The following AK7 variants were observed in gnomAD, a reference collection of about 807,000 sequenced individuals.
AK7 encodes ATP-AMP transphosphorylase 7.
AK7 carries 78 observed loss-of-function variants against 96.6 expected under a neutral mutation model. That is an observed-to-expected ratio of 0.81 (90% CI 0.67 to 0.97). The LOEUF (loss-of-function observed/expected upper bound fraction) is 0.97, where lower values mean the gene tolerates loss of function less well. Ranked by LOEUF, AK7 falls within the 50% of genes least tolerant of loss-of-function variation. The pLI is 0.00. For synonymous variants in AK7, 302 were observed against 317.2 expected (o/e 0.95, Z 0.51); for missense variants, 855 against 887.9 (o/e 0.96, Z 0.47).
At chr14:96,430,049 A>C (rs1892258890) in intron 5 of AK7, among the ~76,000 whole-genome samples, 1 of 152,212 alleles carries the variant, frequency 6.6e-6, no homozygotes. Context: ...CCAGTTTTCA[A>C]AGGGAATGCT....
chr14:96,424,392 CTCAGTGTTTTACTCA>C (rs1891902953), intron 5 of AK7, among the ~76,000 whole-genome samples: 2 of 152,228 alleles, frequency 1.3e-5, no homozygotes, highest in Non-Finnish European at 2.9e-5. Flanking sequence ...CTCATGAGTT[CTCAGTGTTTTACTCA>C]TGGTATCTCA....
Position 96,458,321 on chromosome 14 carries a change from C to T in AK7, c.1357+109C>T, listed in dbSNP as rs375369605. On this transcript the variant is annotated intron_variant, in intron 12 of 17. Transcript: ENST00000267584. The stretch of plus-strand genomic sequence containing the variant: ...AAAAAAAGACTGAACTACAGGCGGG[C>T]GCCATGGCTCATGCCTGTAATCCCA... The T allele has an allele frequency of 2.6e-3, 3,597 of 1,388,806 alleles. 85 individuals are homozygous for T. The African/African-American group carries it at 0.047, about 18-fold the overall frequency. The allele number at this position is 1,388,806 out of a possible 1,614,324, so 86.0% of individuals were successfully genotyped here.
chr14:96,423,977 A>G, intron 5 of AK7: 2 of 927,402 alleles, frequency 2.2e-6, no homozygotes, highest in Non-Finnish European at 3.6e-6. Context: ...CATTCCCTGT[A>G]TTGGGGATCC....
chr14:96,460,272 C>T (rs1400429130), intron 12 of AK7, among the ~76,000 whole-genome samples: 1 of 152,204 alleles, frequency 6.6e-6, no homozygotes, highest in East Asian at 1.9e-4. Context: ...GACAGTTGAG[C>T]TCCTCCATCA....
intron 16 of AK7, among the ~76,000 whole-genome samples, chr14:96,485,298 T>G (rs1895708052): frequency 6.6e-6 from 1 of 152,220 alleles, no homozygotes; most frequent in African/African-American, 2.4e-5. Context: ...CTGTTTGGGC[T>G]GTGTGACTTT....
In AK7 at chr14:96,442,819, G is replaced by A; in HGVS notation, c.779+1G>A. 6.2e-7 allele frequency: 1 copy of A among 1,613,098 alleles called. No homozygotes were observed. On this transcript the variant is annotated splice_donor_variant, in intron 7 of 17. Transcript: ENST00000267584. LOFTEE classifies it high-confidence loss of function. Reference sequence around the variant, plus strand: ...CAATCCATGTTCTTGATCTAGCAGGGTAAGCATTCGCCCAGAGACGTGACC... The same window carrying A: ...CAATCCATGTTCTTGATCTAGCAGGATAAGCATTCGCCCAGAGACGTGACC...
chr14:96,454,935 C>T (rs1038296987), intron 10 of AK7, among the ~76,000 whole-genome samples: 7 of 152,006 alleles, frequency 4.6e-5, no homozygotes, highest in Non-Finnish European at 7.4e-5. Context: ...GAGGTCGAGG[C>T]GGGTGGATCA....
chr14:96,466,914 A>G (rs1198198168), intron 12 of AK7, among the ~76,000 whole-genome samples: 2 of 152,120 alleles, frequency 1.3e-5, no homozygotes, highest in Non-Finnish European at 2.9e-5. Context: ...TGCTGCCCAA[A>G]TAAACCTATA....
rs1202781941 is a variant in AK7 at position 96,489,422 on chromosome 14, G to A, written c.*1079G>A. ...TATTATAAATAAAACCATATAATGG[G>A]TGGTCTTTCGTGTCTGGCTTCTTTC... is the stretch of plus-strand genomic sequence containing the variant. On this transcript the variant is annotated 3_prime_UTR_variant, in exon 18 of 18. Transcript: ENST00000267584. The A allele has an allele frequency of 6.6e-6, 1 of 152,172 alleles. No homozygotes were observed. The highest frequency in any genetic ancestry group is 2.4e-5 in the African/African-American group (1 of 41,444). 9.4% of individuals were successfully genotyped at this position (152,172 alleles called of 1,614,324 possible).
In AK7 at chr14:96,488,943, C is replaced by T. The variant is rs898680804; in HGVS notation, c.*600C>T. The T allele has an allele frequency of 6.6e-6, 1 of 150,996 alleles. No individual in the cohort carries two copies. The highest frequency in any genetic ancestry group is 2.4e-5 in the African/African-American group (1 of 41,002). The allele number at this position is 150,996 out of a possible 1,614,324, so 9.4% of individuals were successfully genotyped here. On this transcript the variant is annotated 3_prime_UTR_variant, in exon 18 of 18. Transcript: ENST00000267584. ...GTAAACCTTTAGGCGGAGAAATCTG[C>T]ATAACAGGATAATTCCAATCTTTGT...
At chr14:96,467,046 T>TAAAAAAA (rs11295444) in intron 12 of AK7, among the ~76,000 whole-genome samples, 1 of 137,966 alleles carries the variant, frequency 7.2e-6, no homozygotes, top group African/African-American at 2.7e-5. Context: ...GACGAATATG[T>TAAAAAAA]AAAAAAAAAA....
At chr14:96,486,583 A>G (rs1276421357) in intron 16 of AK7, among the ~76,000 whole-genome samples, 1 of 152,114 alleles carries the variant, frequency 6.6e-6, no homozygotes, top group African/African-American at 2.4e-5. Flanking sequence ...TATGCTGAGC[A>G]AAGAATTGCA....
intron 5 of AK7, among the ~76,000 whole-genome samples, chr14:96,431,039 A>G (rs1892320246): frequency 6.6e-6 from 1 of 151,914 alleles, no homozygotes; most frequent in Non-Finnish European, 1.5e-5. Flanking sequence ...CATTTCTTCT[A>G]GTTTATTTGT....
At chr14:96,479,206 A>G (rs1223774768) in intron 15 of AK7, among the ~76,000 whole-genome samples, 1 of 151,858 alleles carries the variant, frequency 6.6e-6, no homozygotes, top group African/African-American at 2.4e-5. Context: ...CCTCCCGAGT[A>G]GCTGGGACTA....
chr14:96,424,522 CA>C (rs1216142978), intron 5 of AK7, among the ~76,000 whole-genome samples: 2 of 152,148 alleles, frequency 1.3e-5, no homozygotes, highest in African/African-American at 4.8e-5. Context: ...CTGAAAGTGT[CA>C]TTACATTGTT....
chr14:96,419,131 A>G (rs1891522672), intron 4 of AK7, among the ~76,000 whole-genome samples: 1 of 152,208 alleles, frequency 6.6e-6, no homozygotes, highest in South Asian at 2.1e-4. Flanking sequence ...GGGAGACTGA[A>G]TATGAGGGAC....
chr14:96,412,474 C>T (rs1461954816), intron 4 of AK7, among the ~76,000 whole-genome samples: 20 of 151,444 alleles, frequency 1.3e-4, no homozygotes, highest in Admixed American at 1.1e-3. Context: ...GTGATCCACC[C>T]GCCTCCGCCT....
At chr14:96,416,355 C>T (rs537922908) in intron 4 of AK7, among the ~76,000 whole-genome samples, 4 of 151,640 alleles carry the variant, frequency 2.6e-5, no homozygotes, top group East Asian at 1.9e-4. Flanking sequence ...CCACTGCACT[C>T]CAGCCTGGAG....
rs1206813719 is a variant in AK7, at chr14:96,446,606, A to G, written c.869A>G (p.Lys290Arg). Reference sequence around the variant, plus strand: ...GTTCATACCCTGGAAGACATAGTCAAGGTACAGTGGTTTCATCCCATACTT... The same window carrying G: ...GTTCATACCCTGGAAGACATAGTCAGGGTACAGTGGTTTCATCCCATACTT... Reference protein sequence around the residue: ...ESVHTLEDIVKCISKNTGPGK... With the variant: ...ESVHTLEDIVRCISKNTGPGK... Residue 290 changes from lysine to arginine, a missense_variant and splice_region_variant, in exon 8 of 18, where the codon AAG (lysine) becomes AGG (arginine). Transcript: ENST00000267584. 6.2e-7 allele frequency: 1 copy of G among 1,613,766 alleles called. No homozygotes were observed. The highest frequency in any genetic ancestry group is 1.1e-5 in the South Asian group (1 of 91,072).
Sources: allele counts gnomAD v4.1 joint callset (sites outside exome capture counted in the v4.1 genomes callset), GRCh38; gene constraint gnomAD v4.1.1; transcripts MANE v1.5; gene names NCBI Gene and HGNC (gene_info 2026-07-23, HGNC 2026-07-21).